Variants in CPNE4 observed in about 807,000 individuals in gnomAD.
The protein encoded by CPNE4 is copine-4.
CPNE4 carries 25 observed loss-of-function variants against 67.9 expected under a neutral mutation model. That is an observed-to-expected ratio of 0.37 (90% confidence interval 0.27 to 0.51). The LOEUF (loss-of-function observed/expected upper bound fraction) is 0.51. Among genes scored for constraint, CPNE4 ranks in the 20% least tolerant of loss-of-function variants. The probability of loss-of-function intolerance (pLI) is 0.93; values close to 1 mark genes in which losing one functional copy is unlikely to be tolerated. For missense variants in CPNE4, 464 were observed against 690.8 expected (o/e 0.67, Z 3.68); for synonymous variants, 242 against 244.9 (o/e 0.99, Z 0.11).
At chr3:132,024,473 T>A (rs931218345) in intron 1 of CPNE4, among the ~76,000 whole-genome samples, 1 of 137,298 alleles carries the variant, frequency 7.3e-6, no homozygotes, top group African/African-American at 2.8e-5. Flanking sequence ...CTGTACATTT[T>A]GGAGCAAAAT....
Position 131,669,682 on chromosome 3 carries a change from C to T in CPNE4, c.674G>A (p.Arg225Gln), listed in dbSNP as rs370850075. 1.4e-5 allele frequency: 22 copies of T among 1,609,894 alleles called. No individual in the cohort carries two copies. The highest frequency in any genetic ancestry group is 2.2e-5 in the East Asian group (1 of 44,810). The part of the protein sequence containing the change: ...NSLCSGDPDR[R>Q]LKCIVWDWDS... ...TGGACACAGATTTCTGACCTTTAGCCGGCGGTCTGGGTCTCCGCTGCATAG... is the reference window on the plus strand; with the variant it reads ...TGGACACAGATTTCTGACCTTTAGCTGGCGGTCTGGGTCTCCGCTGCATAG... The change falls in exon 7 of 16, where the codon CGG becomes CAG. Residue 225 changes from arginine (R) to glutamine (Q), a missense_variant. This residue lies in a region of CPNE4 where 58 missense variants were observed against 63.5 expected (regional missense o/e 0.91). Coordinates refer to ENST00000429747, the MANE Select transcript of CPNE4 (RefSeq NM_130808.3).
chr3:131,601,478 C>T lies in CPNE4; in HGVS notation c.682-13896G>A, dbSNP rs556669428. On this transcript the variant is annotated intron_variant, in intron 7 of 15. Coordinates refer to ENST00000429747, the MANE Select transcript of CPNE4 (RefSeq NM_130808.3). ...AAGGGTTGTCTGGGAGTGTTCACTG[C>T]AGATAGTCAGGGAAGGCTTCCAAGA... Among the ~76,000 whole-genome samples, 6 of 152,218 alleles carry T rather than the reference C, an allele frequency of 3.9e-5. No homozygotes were observed. The South Asian group carries it at 1.2e-3, about 32-fold the overall frequency.
intron 2 of CPNE4, among the ~76,000 whole-genome samples, chr3:131,766,075 T>C (rs1351437978): frequency 6.6e-6 from 1 of 152,096 alleles, no homozygotes; most frequent in Non-Finnish European, 1.5e-5. Context: ...GCTAGAGTCC[T>C]GGGAATGTTT....
intron 2 of CPNE4, among the ~76,000 whole-genome samples, chr3:131,882,723 A>ATTTTTTTTT (rs534737633): frequency 1.5e-5 from 2 of 136,162 alleles, no homozygotes; most frequent in African/African-American, 2.7e-5. Flanking sequence ...GTTCTGCTCT[A>ATTTTTTTTT]TTTTTTTTTT....
chr3:131,671,989 G>C (rs76863191), intron 6 of CPNE4, among the ~76,000 whole-genome samples: 2,705 of 151,916 alleles, frequency 0.018, 90 homozygotes, highest in African/African-American at 0.062. Flanking sequence ...AGCCTCTGCT[G>C]TCCATCATTG....
chr3:131,865,005 G>A (rs1433705796), intron 2 of CPNE4, among the ~76,000 whole-genome samples: 10 of 152,186 alleles, frequency 6.6e-5, no homozygotes, highest in South Asian at 6.2e-4. Flanking sequence ...GCTGGATTGT[G>A]TTTATTGATT....
At chr3:131,576,154 G>C (rs1360628172) in intron 9 of CPNE4, among the ~76,000 whole-genome samples, 4 of 125,882 alleles carry the variant, frequency 3.2e-5, no homozygotes, top group Non-Finnish European at 6.1e-5. Context: ...GCTTCTTAGA[G>C]AGACCCAAAA....
At chr3:131,667,574 G>A (rs1213375299) in intron 7 of CPNE4, among the ~76,000 whole-genome samples, 1 of 151,848 alleles carries the variant, frequency 6.6e-6, no homozygotes, top group African/African-American at 2.4e-5. Context: ...GTGCACGTGT[G>A]GAGAAACCCT....
chr3:131,535,426 A>G lies in CPNE4; in HGVS notation c.1540-97T>C, dbSNP rs1306934623. 1.1e-5 allele frequency: 13 copies of G among 1,198,168 alleles called. No homozygotes were observed. In the East Asian group the frequency reaches 3.0e-4, roughly 28 times the overall value. The allele number at this position is 1,198,168 out of a possible 1,614,324, so 74.2% of individuals were successfully genotyped here. A position where few individuals can be genotyped will look rare whatever the true frequency, so the allele number is the denominator to read the frequency against. On this transcript the variant is annotated intron_variant, in intron 15 of 15. Coordinates refer to ENST00000429747, the MANE Select transcript of CPNE4 (RefSeq NM_130808.3). ...GTCCTGCTCTGGGCAGCTAAGTTTC[A>G]TTCACTTTCATTCATTCGTTATTTG...
At chr3:131,665,660 A>AAAACAAACAAAC (rs145982956) in intron 7 of CPNE4, among the ~76,000 whole-genome samples, 3,174 of 148,684 alleles carry the variant, frequency 0.021, 42 homozygotes, top group African/African-American at 0.046. Context: ...GTCCATCTCA[A>AAAACAAACAAAC]AAACAAACAA....
At chr3:131,781,944 C>A (rs995482031) in intron 2 of CPNE4, among the ~76,000 whole-genome samples, 1 of 152,042 alleles carries the variant, frequency 6.6e-6, no homozygotes, top group African/African-American at 2.4e-5. Flanking sequence ...GTGTCTACTG[C>A]TGATTTTGGC....
Position 131,749,751 on chromosome 3 carries a change from G to T in CPNE4, c.181-26126C>A, listed in dbSNP as rs141691088. Among the ~76,000 whole-genome samples, 14 of 152,128 alleles carry T rather than the reference G, an allele frequency of 9.2e-5. No homozygotes were observed. In the South Asian group the frequency reaches 1.0e-3, roughly 11 times the overall value. On this transcript the variant is annotated intron_variant, in intron 2 of 15. Coordinates refer to ENST00000429747, the MANE Select transcript of CPNE4 (RefSeq NM_130808.3). ...CTTTACTCTGAAGTTTAATGTATTT[G>T]ATATTAATTTAGGCACGTCTGCTTT...
intron 2 of CPNE4, among the ~76,000 whole-genome samples, chr3:131,749,299 A>G (rs1466640027): frequency 6.6e-6 from 1 of 152,122 alleles, no homozygotes; most frequent in African/African-American, 2.4e-5. Context: ...GTTCAATTCT[A>G]TTATGGCTAC....
At chr3:131,657,075 A>G (rs1407023641) in intron 7 of CPNE4, among the ~76,000 whole-genome samples, 1 of 152,184 alleles carries the variant, frequency 6.6e-6, no homozygotes, top group African/African-American at 2.4e-5. Flanking sequence ...CAAGGATGAT[A>G]TATTTTCCTA....
intron 11 of CPNE4, 39 bp downstream of exon 11, chr3:131,564,177 G>A (rs1458027686): frequency 4.3e-6 from 7 of 1,611,392 alleles, no homozygotes; most frequent in Non-Finnish European, 5.9e-6. Flanking sequence ...GAACCCACAT[G>A]AGAGATGATA....
intron 1 of CPNE4, among the ~76,000 whole-genome samples, chr3:131,978,078 A>ATAT (rs1560719957): frequency 2.8e-5 from 1 of 35,526 alleles, no homozygotes; most frequent in Non-Finnish European, 4.6e-5. Flanking sequence ...AATATATATA[A>ATAT]ATATATATAA....
chr3:131,866,742 T>C (rs1039429616), intron 2 of CPNE4, among the ~76,000 whole-genome samples: 3 of 152,106 alleles, frequency 2.0e-5, no homozygotes, highest in African/African-American at 7.2e-5. Context: ...ATAAGTGACA[T>C]GTAAAAAGAT....
intron 2 of CPNE4, among the ~76,000 whole-genome samples, chr3:131,848,773 A>G (rs981064623): frequency 9.9e-5 from 15 of 151,830 alleles, no homozygotes; most frequent in Admixed American, 6.6e-5. Context: ...CAAATTGCCC[A>G]AGCACAAACC....
intron 1 of CPNE4, among the ~76,000 whole-genome samples, chr3:132,020,589 C>T (rs2073972850): frequency 6.6e-6 from 1 of 152,114 alleles, no homozygotes; most frequent in Non-Finnish European, 1.5e-5. Flanking sequence ...CTTTCAGGAT[C>T]ACATGTTTTA....
Sources: allele counts gnomAD v4.1 joint callset (sites outside exome capture counted in the v4.1 genomes callset), GRCh38; gene constraint gnomAD v4.1.1; regional missense constraint gnomAD v4.1.1; transcripts MANE v1.5; gene names NCBI Gene and HGNC (gene_info 2026-07-23, HGNC 2026-07-21).